Variants in NAA11 observed in about 807,000 individuals in gnomAD.
The protein encoded by NAA11 is N-alpha-acetyltransferase 11.
A neutral mutation model predicts 16.1 loss-of-function variants in NAA11; 15 were observed. That is an observed-to-expected ratio of 0.93 (90% CI 0.62 to 1.44). The LOEUF is 1.44. NAA11 is among the 40% of genes most tolerant of loss of function. The pLI, the probability that NAA11 is intolerant of heterozygous loss-of-function variation, is 0.00. For missense variants in NAA11, 298 were observed against 291.3 expected (o/e 1.02, Z -0.17); for synonymous variants, 122 against 112.4 (o/e 1.09, Z -0.54).
At chr4:79,323,876 G>T (rs992421835) in intron 1 of NAA11, among the ~76,000 whole-genome samples, 1 of 151,832 alleles carries the variant, frequency 6.6e-6, no homozygotes, top group African/African-American at 2.4e-5. Context: ...GGTGGCGGGC[G>T]CCTGTAGTCC....
downstream of NAA11, among the ~76,000 whole-genome samples, chr4:79,224,158 A>C (rs1225161218): frequency 6.6e-6 from 1 of 152,088 alleles, no homozygotes; most frequent in African/African-American, 2.4e-5. Flanking sequence ...TATATGTGTG[A>C]AATGAGAGGT....
chr4:79,324,498 G>A (rs908611765), intron 1 of NAA11, among the ~76,000 whole-genome samples: 6 of 152,186 alleles, frequency 3.9e-5, no homozygotes, highest in African/African-American at 1.4e-4. Context: ...GAAGAAACCA[G>A]GTCATTTGTT....
chr4:79,159,190 T>A, the NAA11 span, among the ~76,000 whole-genome samples: 1 of 152,180 alleles, frequency 6.6e-6, no homozygotes, highest in Non-Finnish European at 1.5e-5. Flanking sequence ...TCTATAGGTC[T>A]GGCAAAGCAC....
intron 1 of NAA11, among the ~76,000 whole-genome samples, chr4:79,302,498 A>G (rs1297934935): frequency 5.3e-5 from 8 of 152,194 alleles, no homozygotes; most frequent in Admixed American, 1.3e-4. Context: ...GTTTTCTACA[A>G]AGACACCCAA....
chr4:79,274,748 T>C (rs1480989068), intron 2 of NAA11, among the ~76,000 whole-genome samples: 1 of 152,072 alleles, frequency 6.6e-6, no homozygotes, highest in Non-Finnish European at 1.5e-5. Context: ...GTTACTGTTA[T>C]TATTATTGAA....
At chr4:79,193,444 G>A in the NAA11 span, among the ~76,000 whole-genome samples, 1 of 152,134 alleles carries the variant, frequency 6.6e-6, no homozygotes, top group Non-Finnish European at 1.5e-5. Context: ...TTCTACATAT[G>A]GCTAGCCAGT....
chr4:79,162,187 C>G, the NAA11 span, among the ~76,000 whole-genome samples: 1 of 152,146 alleles, frequency 6.6e-6, no homozygotes, highest in Non-Finnish European at 1.5e-5. Context: ...ATCTTGCCAT[C>G]TTGCTGAACT....
In NAA11 at chr4:79,251,978, C is replaced by T. The variant is rs904124872; in HGVS notation, c.*123-25708G>A. Among the ~76,000 whole-genome samples, 8 of 149,486 alleles carry T rather than the reference C, an allele frequency of 5.4e-5. No homozygotes were observed. In the East Asian group the frequency reaches 6.0e-4, roughly 11 times the overall value. Reference sequence around the variant, plus strand: ...AACAGATGATTGGATGAAGAAAATGCGGTATATATTCACCATGGAATACTA... The same window carrying T: ...AACAGATGATTGGATGAAGAAAATGTGGTATATATTCACCATGGAATACTA... On this transcript the variant is annotated intron_variant and NMD_transcript_variant, in intron 2 of 2. Transcript: ENST00000511542.
At chr4:79,311,900 G>A (rs1723781924), downstream of NAA11, among the ~76,000 whole-genome samples, 1 of 152,202 alleles carries the variant, frequency 6.6e-6, no homozygotes, top group Non-Finnish European at 1.5e-5. Flanking sequence ...ACAGACATGA[G>A]TAATTTTTAA....
At chr4:79,311,568 A>ATAG (rs1174817329) in intron 1 of NAA11, among the ~76,000 whole-genome samples, 2 of 152,210 alleles carry the variant, frequency 1.3e-5, no homozygotes, top group Non-Finnish European at 2.9e-5. Flanking sequence ...TTTAGTTTTG[A>ATAG]TAGGGTTGCT....
intron 1 of NAA11, among the ~76,000 whole-genome samples, chr4:79,298,125 T>C (rs1055206345): frequency 2.0e-5 from 3 of 152,176 alleles, no homozygotes; most frequent in Non-Finnish European, 4.4e-5. Context: ...TCCTCTCTGC[T>C]AGGAGCTGAA....
At chr4:79,235,322 A>G (rs1721549070) in intron 2 of NAA11, among the ~76,000 whole-genome samples, 1 of 152,096 alleles carries the variant, frequency 6.6e-6, no homozygotes, top group South Asian at 2.1e-4. Context: ...GGAGCCAGTG[A>G]GGTGGTGAGC....
At chr4:79,323,952 G>A (rs919964858) in intron 1 of NAA11, among the ~76,000 whole-genome samples, 3 of 149,642 alleles carry the variant, frequency 2.0e-5, no homozygotes, top group African/African-American at 4.9e-5. Context: ...GCAGTGAGCC[G>A]AGATCGCGCC....
chr4:79,320,286 CTG>C lies in NAA11; in HGVS notation c.*13-2497_*13-2496del, dbSNP rs550636818. Among the ~76,000 whole-genome samples the C allele has an allele frequency of 3.9e-4, 59 of 152,330 alleles. 1 individual carries two copies. In the South Asian group the frequency reaches 0.012, roughly 31 times the overall value. Reference sequence around the variant, plus strand: ...TGCATTTCCCATCCAAGATTGCAAACTGTTGCTGCTCATACACAACATTCTAT... The same window carrying C: ...TGCATTTCCCATCCAAGATTGCAAACTTGCTGCTCATACACAACATTCTAT... On this transcript the variant is annotated intron_variant, in intron 1 of 1. Transcript: ENST00000286794.
At chr4:79,261,045 A>G (rs186958543) in intron 2 of NAA11, among the ~76,000 whole-genome samples, 28 of 152,366 alleles carry the variant, frequency 1.8e-4, no homozygotes, top group African/African-American at 6.5e-4. Flanking sequence ...AGAAAGGTTA[A>G]TAATTACATT....
At chr4:79,175,119 T>A in the NAA11 span, among the ~76,000 whole-genome samples, 1 of 152,090 alleles carries the variant, frequency 6.6e-6, no homozygotes, top group African/African-American at 2.4e-5. Flanking sequence ...CTAAAGTTCT[T>A]GACTGTGGTC....
the NAA11 span, among the ~76,000 whole-genome samples, chr4:79,200,887 A>G: frequency 1.3e-5 from 2 of 151,602 alleles, no homozygotes; most frequent in African/African-American, 2.4e-5. Flanking sequence ...TTGTATTCAG[A>G]GAAGTCAAAT....
At chr4:79,189,441 A>G in the NAA11 span, among the ~76,000 whole-genome samples, 1 of 152,180 alleles carries the variant, frequency 6.6e-6, no homozygotes, top group Non-Finnish European at 1.5e-5. Context: ...TTTCCAAAAG[A>G]CTGGCTGGAA....
At chr4:79,187,956 G>C in the NAA11 span, among the ~76,000 whole-genome samples, 1 of 136,748 alleles carries the variant, frequency 7.3e-6, no homozygotes, top group African/African-American at 2.9e-5. Flanking sequence ...CCGAGATCGC[G>C]CCACTGCACT....
Sources: gnomAD v4.1 joint callset for allele counts (sites outside exome capture counted in the v4.1 genomes callset) on GRCh38, gnomAD v4.1.1 for gene constraint, MANE v1.5 for transcripts, NCBI Gene and HGNC (gene_info 2026-07-23, HGNC 2026-07-21) for gene names.